Variants in DDX17 observed in about 807,000 individuals in gnomAD.
DDX17 encodes probable ATP-dependent RNA helicase DDX17.
Under a neutral mutation model 80.8 loss-of-function variants are expected in DDX17, and 10 were observed. The ratio of observed to expected loss-of-function variants is 0.12; its 90% confidence interval spans 0.08 to 0.21. The LOEUF (loss-of-function observed/expected upper bound fraction) is 0.21. Among genes scored for constraint, DDX17 ranks in the 10% least tolerant of loss-of-function variants. DDX17 has a pLI of 1.00. For synonymous variants in DDX17, 339 were observed against 336.2 expected, an observed-to-expected ratio of 1.01 and a Z score of -0.09; for missense variants, 586 against 957.4, an observed-to-expected ratio of 0.61 and a Z score of 5.12.
intron 11 of DDX17, chr22:38,491,578 G>A (rs545950352): frequency 6.5e-6 from 1 of 152,878 alleles, no homozygotes; most frequent in African/African-American, 2.4e-5. Flanking sequence ...TACTGCATTA[G>A]ACTTATAAAA....
intron 3 of DDX17, 51 bp downstream of exon 3, chr22:38,499,349 C>G: frequency 7.1e-7 from 1 of 1,416,978 alleles, no homozygotes; most frequent in Non-Finnish European, 1.0e-6. Context: ...ACCCTTGTCT[C>G]CCATTCAACC....
intron 8 of DDX17, 89 bp downstream of exon 8, chr22:38,494,541 A>AAT: frequency 7.9e-7 from 1 of 1,271,230 alleles, no homozygotes. Context: ...CAGGCCTCAA[A>AAT]ATATACTGGT....
chr22:38,488,225 AAAG>A (rs765862855), intron 11 of DDX17, 110 bp from the exon 12 acceptor site: 6 of 1,594,324 alleles, frequency 3.8e-6, no homozygotes, highest in Admixed American at 1.7e-5. Flanking sequence ...CAGCAAGAGG[AAAG>A]AAGGTGAAGT....
At chr22:38,493,836 G>T in intron 9 of DDX17, 65 bp from the exon 10 acceptor site, 1 of 1,510,236 alleles carries the variant, frequency 6.6e-7, no homozygotes, top group Non-Finnish European at 9.2e-7. Context: ...GAACTTTAAA[G>T]CCAAATGCTA....
rs1426025803 is a variant in DDX17 at position 38,484,502 on chromosome 22, T to TC, written c.*1432dup. The TC allele has an allele frequency of 1.3e-5, 2 of 152,208 alleles. No individual in the cohort carries two copies. The highest frequency in any genetic ancestry group is 4.8e-5 in the African/African-American group (2 of 41,436). 9.4% of individuals were successfully genotyped at this position (152,208 alleles called of 1,614,324 possible). On this transcript the variant is annotated 3_prime_UTR_variant, in exon 13 of 13. Coordinates refer to ENST00000403230, the MANE Select transcript of DDX17 (RefSeq NM_006386.5). ...TTAGCCAAAGAATGCAGTGGAGCCT[T>TC]CCCCCTTCAACTGCATTGTGAATGA...
At chr22:38,503,674 GTAAT>G (rs2089852581) in intron 1 of DDX17, among the ~76,000 whole-genome samples, 1 of 152,194 alleles carries the variant, frequency 6.6e-6, no homozygotes, top group Non-Finnish European at 1.5e-5. Flanking sequence ...TATCCGGTCA[GTAAT>G]TAGTTTAATT....
At chr22:38,495,638 C>A (rs1052397482) in intron 6 of DDX17, among the ~76,000 whole-genome samples, 158 bp downstream of exon 6, 1 of 152,148 alleles carries the variant, frequency 6.6e-6, no homozygotes, top group Admixed American at 6.5e-5. Flanking sequence ...CATGCTGAAC[C>A]TTCTCTCTCA....
chr22:38,494,556 A>G (rs2089743116), intron 8 of DDX17, 74 bp downstream of exon 8: 7 of 1,415,440 alleles, frequency 4.9e-6, no homozygotes, highest in Non-Finnish European at 5.9e-6. Flanking sequence ...ACTGGTTTCT[A>G]CAGTACTAAT....
chr22:38,488,244 A>C, intron 11 of DDX17, 129 bp from the exon 12 acceptor site: 1 of 1,572,158 alleles, frequency 6.4e-7, no homozygotes, highest in South Asian at 1.2e-5. Flanking sequence ...GAAGTTAGTA[A>C]CCACTCTGAA....
chr22:38,490,175 T>C, intron 11 of DDX17: 3 of 1,186,856 alleles, frequency 2.5e-6, no homozygotes, highest in South Asian at 1.6e-5. Context: ...TCTACCCTGA[T>C]GTTATCTGTG....
Position 38,484,304 on chromosome 22 carries a change from T to C in DDX17, c.*1631A>G, listed in dbSNP as rs2089632763. ...GAAAGTGGAAAATTAAAAAAAAAGA[T>C]GTCAAAGTTTTTACATGCATATATT... On this transcript the variant is annotated 3_prime_UTR_variant, in exon 13 of 13. Transcript: ENST00000403230. The C allele has an allele frequency of 6.6e-6, 1 of 152,214 alleles. No individual in the cohort carries two copies. The highest frequency in any genetic ancestry group is 6.6e-5 in the Admixed American group (1 of 15,242). 9.4% of individuals were successfully genotyped at this position (152,214 alleles called of 1,614,324 possible).
At position 38,492,128 on chromosome 22, in the gene DDX17, A is replaced by G; in HGVS notation, c.1388-13T>C. 4.4e-6 allele frequency: 7 copies of G among 1,604,152 alleles called. No individual in the cohort carries two copies. Among genetic ancestry groups the G allele is most frequent in the Non-Finnish European group, 6.0e-6 (7 of 1,174,882 alleles). ...CCAGAACGGAACTCTGTAAAAACAAACAATAATCATCATCAAATAAGCATT... is the reference window on the plus strand; with the variant it reads ...CCAGAACGGAACTCTGTAAAAACAAGCAATAATCATCATCAAATAAGCATT... On this transcript the variant is annotated splice_polypyrimidine_tract_variant and intron_variant, in intron 10 of 12. Coordinates refer to ENST00000403230, the MANE Select transcript of DDX17 (RefSeq NM_006386.5).
At chr22:38,492,948 G>A (rs2089727517) in intron 10 of DDX17, among the ~76,000 whole-genome samples, 1 of 152,100 alleles carries the variant, frequency 6.6e-6, no homozygotes, top group Non-Finnish European at 1.5e-5. Context: ...TCCCCAAACG[G>A]TAGTTATATT....
rs1164859934 is a variant in DDX17 at position 38,483,517 on chromosome 22, G to A, written c.*2418C>T. On this transcript the variant is annotated 3_prime_UTR_variant, in exon 13 of 13. Coordinates refer to ENST00000403230, the MANE Select transcript of DDX17 (RefSeq NM_006386.5). ...ATCAAAAGGACAATTTACAAACTAA[G>A]AATAGTAACATAGCTTTCAGCATCC... 1 of 152,614 alleles carries A rather than the reference G, an allele frequency of 6.6e-6. No individual in the cohort carries two copies. The highest frequency in any genetic ancestry group is 1.5e-5 in the Non-Finnish European group (1 of 68,034). The allele number at this position is 152,614 out of a possible 1,614,324, so 9.5% of individuals were successfully genotyped here.
Position 38,499,491 on chromosome 22 carries a change from A to G in DDX17, c.447T>C (p.Val149=), listed in dbSNP as rs2089804540. ...TCTCCTTCTTTCGGCGTAGCTCATC[A>G]ACCTCATACTATTGAAAAAAAATGA... Residue 149 remains valine, a synonymous_variant, in exon 3 of 13, where the codon GTT becomes GTC. Coordinates refer to ENST00000403230, the MANE Select transcript of DDX17 (RefSeq NM_006386.5). The G allele has an allele frequency of 6.2e-7, 1 of 1,610,776 alleles. No homozygotes were observed. The highest frequency in any genetic ancestry group is 1.3e-5 in the African/African-American group (1 of 74,584).
chr22:38,501,293 T>G lies in DDX17; in HGVS notation c.288-13A>C, dbSNP rs918045334. 2 of 1,599,782 alleles carry G rather than the reference T, an allele frequency of 1.3e-6. No individual in the cohort carries two copies. The highest frequency in any genetic ancestry group is 1.8e-5 in the Admixed American group (1 of 55,674). ...TCTTGCTCCAAATCTAGGAACAGAATTTTTAGTTAGTTCATCAGTATTTTT... is the reference window on the plus strand; with the variant it reads ...TCTTGCTCCAAATCTAGGAACAGAAGTTTTAGTTAGTTCATCAGTATTTTT... On this transcript the variant is annotated splice_polypyrimidine_tract_variant and intron_variant, in intron 1 of 12. Transcript: ENST00000403230.
Position 38,488,075 on chromosome 22 carries a change from T to C in DDX17, c.1488A>G (p.Pro496=), listed in dbSNP as rs748821178. The stretch of plus-strand genomic sequence containing the variant: ...GGTGCACATAATCCTCTGAGCTGTT[T>C]GGATAGTCATAGTTGATCACAAACT... Residue 496 remains proline (P), a synonymous_variant, in exon 12 of 13, where the codon CCA becomes CCG. Transcript: ENST00000403230. 6.2e-7 allele frequency: 1 copy of C among 1,614,126 alleles called. No individual in the cohort carries two copies. Among genetic ancestry groups the C allele is most frequent in the African/African-American group, 1.3e-5 (1 of 74,932 alleles).
At chr22:38,502,338 C>T (rs950618071) in intron 1 of DDX17, among the ~76,000 whole-genome samples, 2 of 148,994 alleles carry the variant, frequency 1.3e-5, no homozygotes, top group East Asian at 2.0e-4. Context: ...CGCTGGAACT[C>T]GGAAGGCGGA....
intron 8 of DDX17, 117 bp from the exon 9 acceptor site, chr22:38,494,248 T>G: frequency 1.4e-6 from 1 of 715,652 alleles, no homozygotes; most frequent in East Asian, 2.7e-5. Context: ...GCTTTTAAAA[T>G]TTTTAATAAC....
Sources: gnomAD v4.1 joint callset for allele counts (sites outside exome capture counted in the v4.1 genomes callset) on GRCh38, gnomAD v4.1.1 for gene constraint, MANE v1.5 for transcripts, NCBI Gene and HGNC (gene_info 2026-07-23, HGNC 2026-07-21) for gene names.